NTRK2: variants seen among roughly 807,000 people sequenced by gnomAD.
NTRK2 encodes the protein neurotrophic receptor tyrosine kinase 2.
NTRK2 carries 13 observed loss-of-function variants against 94.5 expected under a neutral mutation model. The ratio of observed to expected loss-of-function variants is 0.14; its 90% CI spans 0.09 to 0.22. The LOEUF is 0.22. Ranked by LOEUF, NTRK2 falls within the 10% of genes least tolerant of loss-of-function variation. NTRK2 has a pLI of 1.00. For missense variants in NTRK2, 639 were observed against 1,071.2 expected (o/e 0.60, Z 5.63); for synonymous variants, 372 against 407.4 (o/e 0.91, Z 1.05).
intron 14 of NTRK2, among the ~76,000 whole-genome samples, chr9:84,932,599 A>G (rs967790712): frequency 6.6e-6 from 1 of 152,244 alleles, no homozygotes; most frequent in African/African-American, 2.4e-5. Flanking sequence ...AATGTTATCA[A>G]GTTACACCGC....
chr9:84,847,306 A>G (rs1233787787), intron 12 of NTRK2, among the ~76,000 whole-genome samples: 1 of 152,230 alleles, frequency 6.6e-6, no homozygotes, highest in Non-Finnish European at 1.5e-5. Context: ...CTTTTTGAAA[A>G]TAAGACTACT....
At chr9:84,856,850 G>A (rs2075089028) in intron 12 of NTRK2, among the ~76,000 whole-genome samples, 1 of 152,044 alleles carries the variant, frequency 6.6e-6, no homozygotes, top group Non-Finnish European at 1.5e-5. Context: ...AGAGAGGAAA[G>A]CTGATTTTCT....
intron 12 of NTRK2, among the ~76,000 whole-genome samples, chr9:84,782,453 C>T (rs2067688254): frequency 6.6e-6 from 1 of 152,208 alleles, no homozygotes; most frequent in Admixed American, 6.5e-5. Context: ...CCCGTCATAC[C>T]TAGCTTTGCT....
intron 12 of NTRK2, among the ~76,000 whole-genome samples, chr9:84,835,200 G>A (rs2073800925): frequency 6.6e-6 from 1 of 152,158 alleles, no homozygotes; most frequent in Non-Finnish European, 1.5e-5. Flanking sequence ...CTTTCAGAGT[G>A]GCATTTAGTA....
intron 14 of NTRK2, among the ~76,000 whole-genome samples, chr9:84,923,276 G>A (rs575714230): frequency 6.2e-4 from 94 of 152,216 alleles, no homozygotes; most frequent in Admixed American, 1.4e-3. Flanking sequence ...TGTAAAGTTG[G>A]CCCCAATGAC....
At chr9:84,958,464 C>T (rs938822496) in intron 17 of NTRK2, among the ~76,000 whole-genome samples, 1 of 152,182 alleles carries the variant, frequency 6.6e-6, no homozygotes, top group Non-Finnish European at 1.5e-5. Flanking sequence ...CTGAAATGAT[C>T]GGAAGAATAA....
intron 17 of NTRK2, among the ~76,000 whole-genome samples, chr9:84,967,787 G>C (rs1825725687): frequency 6.6e-6 from 1 of 152,238 alleles, no homozygotes; most frequent in Admixed American, 6.5e-5. Context: ...AATCTTCCTG[G>C]GTTTTGGAAA....
At position 84,718,329 on chromosome 9, in the gene NTRK2, G is replaced by C. The variant is rs145035618; in HGVS notation, c.584-5244G>C. On this transcript the variant is annotated intron_variant, in intron 6 of 18. Coordinates refer to ENST00000277120, the MANE Select transcript of NTRK2 (RefSeq NM_006180.6). ...CTTAAGCCCCAACTCAGACATATTG[G>C]AAAAGAAGCTACATCTTTAACAAGA... is the stretch of plus-strand genomic sequence containing the variant. Among the ~76,000 whole-genome samples the C allele has an allele frequency of 1.0e-3, 153 of 152,170 alleles. 1 individual carries two copies. The highest frequency in any genetic ancestry group is 3.2e-3 in the African/African-American group (133 of 41,538).
intron 10 of NTRK2, among the ~76,000 whole-genome samples, chr9:84,742,792 T>TTTTG (rs2063754727): frequency 5.3e-5 from 1 of 18,834 alleles, no homozygotes; most frequent in Non-Finnish European, 1.4e-4. Context: ...TATATTAGTT[T>TTTTG]TTTTTTTTTT....
intron 9 of NTRK2, among the ~76,000 whole-genome samples, chr9:84,734,820 G>A (rs1025156166): frequency 2.6e-4 from 39 of 152,236 alleles, no homozygotes; most frequent in African/African-American, 5.8e-4. Flanking sequence ...CCAGTCCTGC[G>A]TATGTCTTTA....
intron 2 of NTRK2, among the ~76,000 whole-genome samples, chr9:84,689,601 TA>T (rs199601382): frequency 4.6e-5 from 7 of 151,966 alleles, no homozygotes; most frequent in Non-Finnish European, 8.8e-5. Flanking sequence ...ATCCTTTTTT[TA>T]AAAAAAAGAA....
At chr9:84,690,133 TC>T (rs2059958898) in intron 2 of NTRK2, among the ~76,000 whole-genome samples, 2 of 152,130 alleles carry the variant, frequency 1.3e-5, no homozygotes, top group Admixed American at 1.3e-4. Flanking sequence ...ATGGGAAGTG[TC>T]CCTGAATTTC....
intron 12 of NTRK2, among the ~76,000 whole-genome samples, chr9:84,769,912 G>A (rs1056594771): frequency 1.1e-4 from 17 of 152,270 alleles, no homozygotes; most frequent in African/African-American, 3.8e-4. Context: ...TTGGTGATGA[G>A]CAAACTCCTG....
chr9:84,856,487 T>G (rs2075070024), intron 12 of NTRK2, among the ~76,000 whole-genome samples: 1 of 152,134 alleles, frequency 6.6e-6, no homozygotes, highest in South Asian at 2.1e-4. Context: ...TTTGCATTCA[T>G]TTTTTCTCAC....
At chr9:84,716,967 G>A (rs1175025128) in intron 6 of NTRK2, among the ~76,000 whole-genome samples, 1 of 152,134 alleles carries the variant, frequency 6.6e-6, no homozygotes, top group African/African-American at 2.4e-5. Flanking sequence ...CTTCATTCCT[G>A]GTTGTGGAAT....
chr9:84,787,678 G>A (rs1434028264), intron 12 of NTRK2, among the ~76,000 whole-genome samples: 1 of 152,152 alleles, frequency 6.6e-6, no homozygotes. Flanking sequence ...GTGACCTATG[G>A]TGAATTTCTT....
At chr9:84,972,974 C>T in intron 17 of NTRK2, among the ~76,000 whole-genome samples, 1 of 152,218 alleles carries the variant, frequency 6.6e-6, no homozygotes, top group East Asian at 1.9e-4. Context: ...CCATTGAGCC[C>T]TCTTTCCATG....
At chr9:84,681,969 GA>G (rs1160748915) in intron 2 of NTRK2, among the ~76,000 whole-genome samples, 6 of 152,150 alleles carry the variant, frequency 3.9e-5, no homozygotes, top group Admixed American at 3.9e-4. Context: ...ATTATAACTG[GA>G]AGCTTGCTTG....
chr9:84,706,439 T>G (rs2061066758), intron 4 of NTRK2, among the ~76,000 whole-genome samples: 1 of 151,790 alleles, frequency 6.6e-6, no homozygotes, highest in Admixed American at 6.6e-5. Flanking sequence ...AGTGATGACT[T>G]CCTTGGGCTG....
Sources: gnomAD v4.1 joint callset for allele counts (sites outside exome capture counted in the v4.1 genomes callset) on GRCh38, gnomAD v4.1.1 for gene constraint, MANE v1.5 for transcripts, NCBI Gene and HGNC (gene_info 2026-07-23, HGNC 2026-07-21) for gene names.